Variants in RBFOX1 observed in about 807,000 individuals in gnomAD.
The protein encoded by RBFOX1 is RNA binding protein fox-1 homolog 1.
Under a neutral mutation model 57.7 loss-of-function variants are expected in RBFOX1, and 8 were observed. The ratio of observed to expected loss-of-function variants is 0.14; its 90% CI spans 0.08 to 0.25. The LOEUF (loss-of-function observed/expected upper bound fraction) is 0.25. Among genes scored for constraint, RBFOX1 ranks in the 10% least tolerant of loss-of-function variants. The probability of loss-of-function intolerance (pLI) is 1.00; values close to 1 mark genes in which losing one functional copy is unlikely to be tolerated. For synonymous variants in RBFOX1, 326 were observed against 222.4 expected (o/e 1.47, Z -4.15); for missense variants, 611 against 548.5 (o/e 1.11, Z -1.14).
chr16:7,608,427 G>T (rs562707097), intron 10 of RBFOX1, among the ~76,000 whole-genome samples: 1 of 152,340 alleles, frequency 6.6e-6, no homozygotes, highest in South Asian at 2.1e-4. Context: ...GGCGATGTTT[G>T]GAGTTGTTCT....
chr16:7,102,744 C>T (rs998673488), intron 4 of RBFOX1, among the ~76,000 whole-genome samples: 2 of 152,164 alleles, frequency 1.3e-5, no homozygotes, highest in Non-Finnish European at 2.9e-5. Context: ...GGAGACTTAA[C>T]ATTAACCTTT....
intron 3 of RBFOX1, among the ~76,000 whole-genome samples, chr16:6,751,581 C>A (rs2074938613): frequency 6.6e-6 from 1 of 152,148 alleles, no homozygotes; most frequent in Non-Finnish European, 1.5e-5. Flanking sequence ...GCTTCCTCTG[C>A]ACATCTGATT....
At chr16:6,677,781 A>G (rs1312517022) in intron 3 of RBFOX1, among the ~76,000 whole-genome samples, 1 of 152,188 alleles carries the variant, frequency 6.6e-6, no homozygotes, top group Non-Finnish European at 1.5e-5. Context: ...CAAGTTATTA[A>G]TATAGAGGAA....
intron 4 of RBFOX1, among the ~76,000 whole-genome samples, chr16:7,478,955 C>G (rs755047011): frequency 6.6e-6 from 1 of 151,876 alleles, no homozygotes; most frequent in Non-Finnish European, 1.5e-5. Flanking sequence ...CCGTGCGGAC[C>G]GAACACGGTA....
At chr16:5,738,655 A>AG (rs2052668023) in intron 3 of RBFOX1, among the ~76,000 whole-genome samples, 1 of 150,276 alleles carries the variant, frequency 6.7e-6, no homozygotes. Context: ...AAAAAAAAAA[A>AG]GGGAAATCTA....
chr16:5,704,871 G>C (rs2051184549), intron 3 of RBFOX1, among the ~76,000 whole-genome samples: 3 of 152,144 alleles, frequency 2.0e-5, no homozygotes, highest in South Asian at 4.1e-4. Flanking sequence ...TTTGAATTAG[G>C]AATGAGACTT....
intron 3 of RBFOX1, among the ~76,000 whole-genome samples, chr16:6,826,259 C>G (rs144140179): frequency 1.3e-5 from 2 of 152,214 alleles, no homozygotes; most frequent in East Asian, 1.9e-4. Context: ...TACCTGTAAT[C>G]CCAGCACTTT....
chr16:5,609,609 C>G (rs1444038503), intron 3 of RBFOX1, among the ~76,000 whole-genome samples: 2 of 152,190 alleles, frequency 1.3e-5, no homozygotes, highest in Non-Finnish European at 2.9e-5. Context: ...CCTGGCCAAA[C>G]CAAATGGGAC....
intron 3 of RBFOX1, among the ~76,000 whole-genome samples, chr16:5,615,214 A>C (rs2047977625): frequency 1.3e-5 from 2 of 152,136 alleles, no homozygotes; most frequent in Non-Finnish European, 2.9e-5. Context: ...TCATTTTTGT[A>C]CAGATGGAGT....
chr16:7,132,796 G>T (rs1188292377), intron 4 of RBFOX1, among the ~76,000 whole-genome samples: 2 of 152,000 alleles, frequency 1.3e-5, no homozygotes, highest in Non-Finnish European at 2.9e-5. Context: ...CTTAGAAACA[G>T]TGGGCTTATC....
intron 3 of RBFOX1, among the ~76,000 whole-genome samples, chr16:6,809,615 C>G (rs2087895555): frequency 6.6e-6 from 1 of 152,064 alleles, no homozygotes. Context: ...GAATTGCTAC[C>G]CCATCCGAAG....
chr16:5,519,376 C>G (rs1464802408), intron 2 of RBFOX1, among the ~76,000 whole-genome samples: 2 of 152,252 alleles, frequency 1.3e-5, no homozygotes, highest in Middle Eastern at 3.4e-3. Flanking sequence ...TCTCTTTTAT[C>G]ATTATGGGAT....
At chr16:6,234,294 A>G (rs1288819248) in intron 1 of RBFOX1, among the ~76,000 whole-genome samples, 1 of 152,192 alleles carries the variant, frequency 6.6e-6, no homozygotes, top group Admixed American at 6.5e-5. Context: ...TGTGTTATCT[A>G]TCGAAAAGCA....
At chr16:7,212,555 C>G (rs566692925) in intron 4 of RBFOX1, among the ~76,000 whole-genome samples, 5 of 152,176 alleles carry the variant, frequency 3.3e-5, no homozygotes, top group African/African-American at 1.2e-4. Flanking sequence ...TGGGCACGAA[C>G]ATTTTTCCAA....
At chr16:6,863,670 T>TAA (rs71408411) in intron 3 of RBFOX1, among the ~76,000 whole-genome samples, 53,901 of 105,168 alleles carry the variant, frequency 0.51, 14,387 homozygotes, top group East Asian at 0.63. Context: ...TTTTTTTCCT[T>TAA]AAAAAAAAAA....
intron 3 of RBFOX1, among the ~76,000 whole-genome samples, chr16:6,859,106 A>G: frequency 2.1e-5 from 1 of 48,028 alleles, no homozygotes; most frequent in East Asian, 7.6e-4. Flanking sequence ...TGTCCTAAAA[A>G]AAGTGTATAT....
At chr16:5,499,787 G>A (rs1011562207) in intron 2 of RBFOX1, among the ~76,000 whole-genome samples, 1 of 152,032 alleles carries the variant, frequency 6.6e-6, no homozygotes, top group Non-Finnish European at 1.5e-5. Context: ...TGGCCAGGCT[G>A]GTCTTGAACT....
intron 2 of RBFOX1, among the ~76,000 whole-genome samples, chr16:6,540,293 T>C (rs890432355): frequency 1.4e-5 from 2 of 139,832 alleles, no homozygotes; most frequent in African/African-American, 5.1e-5. Context: ...ATAGCCATCA[T>C]ATAAGCTGGC....
At chr16:7,618,945 A>T (rs930197031) in intron 10 of RBFOX1, among the ~76,000 whole-genome samples, 8 of 152,352 alleles carry the variant, frequency 5.3e-5, no homozygotes, top group African/African-American at 1.4e-4. Context: ...CCGCATCTGC[A>T]TTAGCTATTT....
Sources: allele counts gnomAD v4.1 joint callset (sites outside exome capture counted in the v4.1 genomes callset), GRCh38; gene constraint gnomAD v4.1.1; transcripts MANE v1.5; gene names NCBI Gene and HGNC (gene_info 2026-07-23, HGNC 2026-07-21).